ACMSD: variants seen among roughly 807,000 people sequenced by gnomAD.
ACMSD encodes aminocarboxymuconate semialdehyde decarboxylase.
Under a neutral mutation model 45.9 loss-of-function variants are expected in ACMSD, and 37 were observed. That is an observed-to-expected ratio of 0.81 (90% confidence interval 0.62 to 1.06). ACMSD has a LOEUF of 1.06. Among genes scored for constraint, ACMSD ranks in the 50% least tolerant of loss-of-function variants. ACMSD has a pLI of 0.00. For missense variants in ACMSD, 434 were observed against 420.9 expected (o/e 1.03, Z -0.27); for synonymous variants, 138 against 148.8 (o/e 0.93, Z 0.53).
Position 134,885,376 on chromosome 2 carries a change from T to A in ACMSD, c.849+12735T>A, listed in dbSNP as rs1251299257. On this transcript the variant is annotated intron_variant, in intron 8 of 9. Transcript: ENST00000356140. ...TATATATTTACATATATATTATATA[T>A]AATATATATGTAAATATATATATTT... Among the ~76,000 whole-genome samples the A allele has an allele frequency of 4.7e-5, 5 of 106,054 alleles. 1 individual carries two copies. The highest frequency in any genetic ancestry group is 2.6e-4 in the South Asian group (1 of 3,808). The allele number at this position is 106,054 out of a possible 152,430, so 69.6% of individuals were successfully genotyped here.
chr2:134,860,849 G>A (rs909112036), intron 3 of ACMSD, among the ~76,000 whole-genome samples: 3 of 82,994 alleles, frequency 3.6e-5, no homozygotes, highest in African/African-American at 1.4e-4. Flanking sequence ...GTGAGACCCT[G>A]TCTCCACAAA....
At chr2:134,861,203 C>A (rs1026377896) in intron 3 of ACMSD, among the ~76,000 whole-genome samples, 2 of 152,102 alleles carry the variant, frequency 1.3e-5, no homozygotes, top group African/African-American at 4.8e-5. Flanking sequence ...TGACCTACAG[C>A]AAAGAGCAAG....
intron 8 of ACMSD, among the ~76,000 whole-genome samples, chr2:134,892,742 T>C (rs1374254617): frequency 6.6e-6 from 1 of 152,022 alleles, no homozygotes; most frequent in African/African-American, 2.4e-5. Context: ...GCAGCAGATA[T>C]CCAGAATGAA....
intron 5 of ACMSD, among the ~76,000 whole-genome samples, chr2:134,865,140 C>T (rs772024659): frequency 2.6e-5 from 4 of 152,058 alleles, no homozygotes; most frequent in Non-Finnish European, 5.9e-5. Flanking sequence ...AAAAATTTTC[C>T]ATGTTTGTAT....
At position 134,869,503 on chromosome 2, in the gene ACMSD, G is replaced by A. The variant is rs561123890; in HGVS notation, c.581-1462G>A. Among the ~76,000 whole-genome samples, 12 of 152,106 alleles carry A rather than the reference G, an allele frequency of 7.9e-5. No individual in the cohort carries two copies. In the South Asian group the frequency reaches 8.3e-4, roughly 11 times the overall value. On this transcript the variant is annotated intron_variant, in intron 6 of 9. Transcript: ENST00000356140. The stretch of plus-strand genomic sequence containing the variant: ...GCTGGGATTACAGGAGTGAACCACC[G>A]CACCCAGCCCACAAACTTATTTATA...
intron 6 of ACMSD, among the ~76,000 whole-genome samples, chr2:134,870,593 G>C (rs1233225805): frequency 6.6e-6 from 1 of 152,162 alleles, no homozygotes; most frequent in Non-Finnish European, 1.5e-5. Context: ...TGAAATGTGG[G>C]CTCAGAGCCA....
chr2:134,875,143 G>A (rs1369880265), intron 8 of ACMSD, among the ~76,000 whole-genome samples: 1 of 152,112 alleles, frequency 6.6e-6, no homozygotes, highest in Non-Finnish European at 1.5e-5. Context: ...TAGGACTACA[G>A]GTACACACCA....
chr2:134,865,220 G>GAATTCCCTGAATTCAGTATACTGAA (rs1688041657), intron 5 of ACMSD, among the ~76,000 whole-genome samples: 1 of 152,186 alleles, frequency 6.6e-6, no homozygotes, highest in African/African-American at 2.4e-5. Context: ...AAGATTTAAT[G>GAATTCCCTGAATTCAGTATACTGAA]TTCCTCAATA....
chr2:134,872,679 C>T lies in ACMSD; in HGVS notation c.849+38C>T, dbSNP rs1274305918. On this transcript the variant is annotated intron_variant, in intron 8 of 9. Coordinates refer to ENST00000356140, the MANE Select transcript of ACMSD (RefSeq NM_138326.3). ...TGCCACTTGGATGGCTTATGGGGAG[C>T]AGAATGCTGCATCAGCAACCCATTC... 3.1e-6 allele frequency: 5 copies of T among 1,608,494 alleles called. No homozygotes were observed. In the Admixed American group the frequency reaches 6.7e-5, roughly 21 times the overall value.
intron 4 of ACMSD, chr2:134,863,054 G>T: frequency 1.0e-6 from 1 of 976,074 alleles, no homozygotes; most frequent in Non-Finnish European, 1.2e-6. Flanking sequence ...CCTCCTGGGA[G>T]GTAGGGGGGC....
intron 6 of ACMSD, among the ~76,000 whole-genome samples, chr2:134,870,043 T>C (rs1183144811): frequency 6.6e-6 from 1 of 152,234 alleles, no homozygotes; most frequent in African/African-American, 2.4e-5. Flanking sequence ...CGTCTCTGCC[T>C]GTGAAGCAGT....
In ACMSD at chr2:134,838,674, C is replaced by T. The variant is rs1251401432; in HGVS notation, c.-9C>T. The T allele has an allele frequency of 4.4e-6, 7 of 1,605,888 alleles. No homozygotes were observed. In the South Asian group the frequency reaches 7.9e-5, roughly 18 times the overall value. On this transcript the variant is annotated 5_prime_UTR_variant, in exon 1 of 10. Transcript: ENST00000356140. ...TTCTTTCCTTGCATGCTTCTCTGAT[C>T]CTGTGGAGATGAAAATTGACATCCA...
At chr2:134,860,856 CAAAAAA>C (rs60233157) in intron 3 of ACMSD, among the ~76,000 whole-genome samples, 23,880 of 72,370 alleles carry the variant, frequency 0.33, 2,283 homozygotes, top group Middle Eastern at 0.64. Context: ...CCTGTCTCCA[CAAAAAA>C]AAAAAAAAAA....
chr2:134,880,255 C>T, intron 8 of ACMSD, among the ~76,000 whole-genome samples: 1 of 152,122 alleles, frequency 6.6e-6, no homozygotes, highest in East Asian at 1.9e-4. Flanking sequence ...CTTCTCCTTA[C>T]CACAACTTCA....
intron 1 of ACMSD, among the ~76,000 whole-genome samples, chr2:134,843,025 A>T (rs1686876539): frequency 6.6e-6 from 1 of 152,216 alleles, no homozygotes; most frequent in African/African-American, 2.4e-5. Context: ...AGAGGGAAAT[A>T]AAACCTTTTC....
chr2:134,883,583 C>A (rs1218248099), intron 8 of ACMSD, among the ~76,000 whole-genome samples: 1 of 152,136 alleles, frequency 6.6e-6, no homozygotes, highest in Non-Finnish European at 1.5e-5. Context: ...CTCACTGCAG[C>A]CTTGAACTCC....
At chr2:134,843,201 TTGAATGCATGAAGGGTGAGAGCA>T (rs1686886709) in intron 1 of ACMSD, among the ~76,000 whole-genome samples, 4 of 152,108 alleles carry the variant, frequency 2.6e-5, no homozygotes, top group Non-Finnish European at 5.9e-5. Context: ...TACCAGGGCA[TTGAATGCATGAAGGGTGAGAGCA>T]GGGGTTGAGG....
intron 8 of ACMSD, among the ~76,000 whole-genome samples, chr2:134,892,235 T>TA (rs74931399): frequency 2.0e-5 from 3 of 150,892 alleles, no homozygotes; most frequent in Non-Finnish European, 4.4e-5. Context: ...ATTTTTTTTT[T>TA]AAAAAATCGG....
At chr2:134,840,787 T>C (rs1485397849) in intron 1 of ACMSD, among the ~76,000 whole-genome samples, 1 of 152,216 alleles carries the variant, frequency 6.6e-6, no homozygotes, top group Non-Finnish European at 1.5e-5. Flanking sequence ...TTCCATAGGC[T>C]ATTGGGGAAC....
Sources: gnomAD v4.1 joint callset for allele counts (sites outside exome capture counted in the v4.1 genomes callset) on GRCh38, gnomAD v4.1.1 for gene constraint, MANE v1.5 for transcripts, NCBI Gene and HGNC (gene_info 2026-07-23, HGNC 2026-07-21) for gene names.